Variants in TRAPPC9 observed in about 807,000 individuals in gnomAD.
TRAPPC9 encodes the protein IKK2 binding protein.
A neutral mutation model predicts 124.0 loss-of-function variants in TRAPPC9; 83 were observed. The ratio of observed to expected loss-of-function variants is 0.67; its 90% CI spans 0.56 to 0.80. The LOEUF (loss-of-function observed/expected upper bound fraction) is 0.80. TRAPPC9 is among the 30% of genes least tolerant of loss of function. The pLI is 0.00. For synonymous variants in TRAPPC9, 638 were observed against 617.5 expected (o/e 1.03, Z -0.49); for missense variants, 1,302 against 1,508.3 (o/e 0.86, Z 2.27).
At chr8:140,427,438 G>A (rs1371371686) in intron 4 of TRAPPC9, among the ~76,000 whole-genome samples, 1 of 151,614 alleles carries the variant, frequency 6.6e-6, no homozygotes, top group African/African-American at 2.4e-5. Context: ...ACTTCATCAA[G>A]TTAAAGATTT....
intron 6 of TRAPPC9, among the ~76,000 whole-genome samples, chr8:140,403,499 G>C (rs2069354280): frequency 6.6e-6 from 1 of 151,964 alleles, no homozygotes; most frequent in African/African-American, 2.4e-5. Context: ...ACCCACCTAG[G>C]CTTCCCAAAG....
At chr8:139,861,732 T>G (rs1828171009) in intron 21 of TRAPPC9, among the ~76,000 whole-genome samples, 1 of 150,970 alleles carries the variant, frequency 6.6e-6, no homozygotes, top group African/African-American at 2.4e-5. Context: ...ACAAATCGAG[T>G]GGTTTTGAAC....
At chr8:140,317,708 C>T (rs182180227) in intron 9 of TRAPPC9, among the ~76,000 whole-genome samples, 1 of 152,138 alleles carries the variant, frequency 6.6e-6, no homozygotes, top group Non-Finnish European at 1.5e-5. Flanking sequence ...AAGTCATGTC[C>T]CTACCCACAA....
Position 140,063,555 on chromosome 8 carries a change from G to T in TRAPPC9, c.2557-39476C>A, listed in dbSNP as rs1469716803. ...AGGAGAAATGTTTGTTGAATGGATC[G>T]GGGAACAGAACAGTGAACGGCAATA... On this transcript the variant is annotated intron_variant, in intron 17 of 22. Coordinates refer to ENST00000438773, the MANE Select transcript of TRAPPC9 (RefSeq NM_001160372.4). The surrounding 1 kb of genome is among the most constrained non-coding windows in gnomAD (Gnocchi z 4.3). Among the ~76,000 whole-genome samples the T allele has an allele frequency of 2.6e-5, 4 of 152,224 alleles. No homozygotes were observed. In the East Asian group the frequency reaches 7.7e-4, roughly 29 times the overall value.
At chr8:140,045,599 C>T (rs1184359943) in intron 17 of TRAPPC9, among the ~76,000 whole-genome samples, 2 of 130,764 alleles carry the variant, frequency 1.5e-5, no homozygotes, top group African/African-American at 6.0e-5. Flanking sequence ...TGCACTCCAG[C>T]CTGGGAGACA....
intron 14 of TRAPPC9, among the ~76,000 whole-genome samples, chr8:140,281,200 T>G (rs2065311306): frequency 6.6e-6 from 1 of 152,240 alleles, no homozygotes; most frequent in Non-Finnish European, 1.5e-5. Context: ...GTGTAACTTC[T>G]GAAGAAACTG....
chr8:140,285,875 C>T (rs2065468848), intron 13 of TRAPPC9, among the ~76,000 whole-genome samples: 1 of 152,186 alleles, frequency 6.6e-6, no homozygotes, highest in South Asian at 2.1e-4. Context: ...CCCTCACCTA[C>T]GATTACACCT....
intron 21 of TRAPPC9, among the ~76,000 whole-genome samples, chr8:139,884,515 C>A (rs372196898): frequency 2.6e-5 from 4 of 152,186 alleles, no homozygotes; most frequent in Non-Finnish European, 5.9e-5. Flanking sequence ...TCCTGCATAG[C>A]TACCTGGTGG....
At chr8:139,812,960 G>A (rs1041999556) in intron 21 of TRAPPC9, among the ~76,000 whole-genome samples, 3 of 152,354 alleles carry the variant, frequency 2.0e-5, no homozygotes, top group Admixed American at 6.5e-5. Flanking sequence ...GAAGGTTCTA[G>A]AGCTGCAAGC....
intron 2 of TRAPPC9, among the ~76,000 whole-genome samples, chr8:140,446,293 C>CAAAA (rs59393001): frequency 0.42 from 45,815 of 109,372 alleles, 9,164 homozygotes; most frequent in South Asian, 0.5. Flanking sequence ...GACTCTGTCT[C>CAAAA]AAAAAAAAAA....
At chr8:140,102,270 T>A (rs1312752749) in intron 17 of TRAPPC9, among the ~76,000 whole-genome samples, 1 of 152,230 alleles carries the variant, frequency 6.6e-6, no homozygotes, top group Non-Finnish European at 1.5e-5. Context: ...CTTTAATTTT[T>A]AAAAATATGT....
At chr8:139,801,513 C>G (rs1384111877) in intron 21 of TRAPPC9, among the ~76,000 whole-genome samples, 1 of 152,194 alleles carries the variant, frequency 6.6e-6, no homozygotes, top group Non-Finnish European at 1.5e-5. Flanking sequence ...TGCCCCGCCC[C>G]CCTTCCCTTG....
chr8:140,079,795 T>C (rs911198394), intron 17 of TRAPPC9, among the ~76,000 whole-genome samples: 1 of 152,066 alleles, frequency 6.6e-6, no homozygotes, highest in Non-Finnish European at 1.5e-5. Context: ...CCAAGCGTGG[T>C]GGTAGATGCC....
chr8:139,864,981 T>G (rs1222384405), intron 21 of TRAPPC9, among the ~76,000 whole-genome samples: 1 of 152,126 alleles, frequency 6.6e-6, no homozygotes, highest in Non-Finnish European at 1.5e-5. Flanking sequence ...CACGTGAAAC[T>G]TTGGAACTAA....
At chr8:140,014,803 C>G (rs752181118) in intron 18 of TRAPPC9, among the ~76,000 whole-genome samples, 1 of 152,142 alleles carries the variant, frequency 6.6e-6, no homozygotes, top group South Asian at 2.1e-4. Flanking sequence ...GAATGTAACA[C>G]CCCCAGATAG....
intron 21 of TRAPPC9, among the ~76,000 whole-genome samples, chr8:139,735,211 T>C (rs151024546): frequency 6.6e-5 from 10 of 152,340 alleles, no homozygotes; most frequent in African/African-American, 2.4e-4. Flanking sequence ...CTACACCTCC[T>C]GGGCCTCCGT....
At chr8:139,951,578 G>A (rs1024918157) in intron 19 of TRAPPC9, among the ~76,000 whole-genome samples, 8 of 152,212 alleles carry the variant, frequency 5.3e-5, no homozygotes, top group African/African-American at 1.7e-4. Context: ...CTCATGTAAG[G>A]AATAAATGCC....
At chr8:139,791,212 T>C (rs1287874859) in intron 21 of TRAPPC9, among the ~76,000 whole-genome samples, 3 of 152,122 alleles carry the variant, frequency 2.0e-5, no homozygotes, top group Non-Finnish European at 4.4e-5. Flanking sequence ...GCTGGCCAGC[T>C]TCGGGCAACT....
intron 17 of TRAPPC9, among the ~76,000 whole-genome samples, chr8:140,111,970 T>G (rs1350038359): frequency 6.6e-6 from 1 of 152,278 alleles, no homozygotes; most frequent in Admixed American, 6.5e-5. Flanking sequence ...GCAGGCGCCA[T>G]GGCAGGACTT....
Sources: gnomAD v4.1 joint callset for allele counts (sites outside exome capture counted in the v4.1 genomes callset) on GRCh38, gnomAD v4.1.1 for gene constraint, Gnocchi (gnomAD v3.1) non-coding constraint, MANE v1.5 for transcripts, NCBI Gene and HGNC (gene_info 2026-07-23, HGNC 2026-07-21) for gene names.